The following PCDHGA5 variants were observed in gnomAD, a reference collection of about 807,000 sequenced individuals.
PCDHGA5 encodes the protein protocadherin gamma subfamily A, 5.
Under a neutral mutation model 56.7 loss-of-function variants are expected in PCDHGA5, and 36 were observed. That is an observed-to-expected ratio of 0.64 (90% CI 0.49 to 0.84). PCDHGA5 has a LOEUF of 0.84. Among genes scored for constraint, PCDHGA5 ranks in the 40% least tolerant of loss-of-function variants. The pLI, the probability that PCDHGA5 is intolerant of heterozygous loss-of-function variation, is 0.00. For synonymous variants in PCDHGA5, 563 were observed against 520.2 expected (o/e 1.08, Z -1.12); for missense variants, 1,305 against 1,201.5 (o/e 1.09, Z -1.27).
Position 141,477,198 on chromosome 5 carries a change from TACCCGAGGATG to T in PCDHGA5, c.2422-17608_2422-17598del. 6.2e-7 allele frequency: 1 copy of T among 1,614,194 alleles called. No homozygotes were observed. The highest frequency in any genetic ancestry group is 2.2e-5 in the East Asian group (1 of 44,874). On this transcript the variant is annotated intron_variant, in intron 1 of 3. Transcript: ENST00000518069. The surrounding 1 kb of genome is among the most constrained non-coding windows in gnomAD (Gnocchi z 4.9). ...ACAGTCACCTCCGTGTACAGCCCAG[TACCCGAGGATG>T]CCCCTCTGGGGACTGTCATCGCTTT...
chr5:141,382,978 T>C, intron 1 of PCDHGA5: 1 of 1,610,702 alleles, frequency 6.2e-7, no homozygotes, highest in Non-Finnish European at 8.5e-7. Context: ...CTGGGAAGCC[T>C]GGGCAGGACG....
chr5:141,431,150 CCTTA>C lies in PCDHGA5; in HGVS notation c.2422-63653_2422-63650del, dbSNP rs1302288904. ...AGTAAGGGACATTAACGACAATGCG[CCTTA>C]CTTTCGTGAAAGTGAATTAGAAATA... On this transcript the variant is annotated intron_variant, in intron 1 of 3. Coordinates refer to ENST00000518069, the MANE Select transcript of PCDHGA5 (RefSeq NM_018918.3). The surrounding 1 kb of genome is among the most constrained non-coding windows in gnomAD (Gnocchi z 4.8). 3 of 1,614,226 alleles carry C rather than the reference CCTTA, an allele frequency of 1.9e-6. No individual in the cohort carries two copies. The highest frequency in any genetic ancestry group is 2.2e-5 in the East Asian group (1 of 44,876).
chr5:141,410,671 C>G (rs771368781), intron 1 of PCDHGA5: 1 of 1,563,260 alleles, frequency 6.4e-7, no homozygotes, highest in South Asian at 1.2e-5. Context: ...ACTAGTTTCT[C>G]ATATTTTAGG....
intron 1 of PCDHGA5, among the ~76,000 whole-genome samples, chr5:141,460,983 GTATATA>G (rs59296681): frequency 0.23 from 32,081 of 137,558 alleles, 4,351 homozygotes; most frequent in African/African-American, 0.39. Context: ...GTGTGTGTGT[GTATATA>G]TATATATGTG....
rs772195653 is a variant in PCDHGA5 at position 141,477,704 on chromosome 5, C to A, written c.2422-17103C>A. On this transcript the variant is annotated intron_variant, in intron 1 of 3. Transcript: ENST00000518069. The surrounding 1 kb of genome is among the most constrained non-coding windows in gnomAD (Gnocchi z 4.9). ...CTTAGTGCCCCTAGACTATGAGGAT[C>A]GGCGGGAATTTGAATTAACAGCTCA... The A allele has an allele frequency of 5.0e-6, 8 of 1,613,850 alleles. No individual in the cohort carries two copies. Among genetic ancestry groups the A allele is most frequent in the Non-Finnish European group, 5.9e-6 (7 of 1,180,046 alleles).
At chr5:141,448,921 G>A (rs1323304761) in intron 1 of PCDHGA5, among the ~76,000 whole-genome samples, 3 of 152,120 alleles carry the variant, frequency 2.0e-5, no homozygotes, top group Admixed American at 1.3e-4. Flanking sequence ...CTCCAGCCTG[G>A]GCGACAGAGC....
intron 1 of PCDHGA5, chr5:141,411,291 C>G (rs2095478163): frequency 6.6e-6 from 1 of 152,158 alleles, no homozygotes; most frequent in South Asian, 2.1e-4. Context: ...ATTCAGAAGA[C>G]AGGCCCAGTG....
Position 141,476,263 on chromosome 5 carries a change from C to G in PCDHGA5, c.2422-18544C>G. 13 of 1,613,940 alleles carry G rather than the reference C, an allele frequency of 8.1e-6. No individual in the cohort carries two copies. Among genetic ancestry groups the G allele is most frequent in the Non-Finnish European group, 1.1e-5 (13 of 1,180,010 alleles). On this transcript the variant is annotated intron_variant, in intron 1 of 3. Transcript: ENST00000518069. This position sits in a 1 kb window ranked among gnomAD's most constrained non-coding sequence, Gnocchi z 7.6. ...GAGAGAAGGGTTTCGCTGTGGGCAA[C>G]GTGGTCGCGAACCTTGGTTTGGATC...
intron 1 of PCDHGA5, among the ~76,000 whole-genome samples, chr5:141,467,055 C>CTTT (rs1193465269): frequency 2.2e-5 from 3 of 134,494 alleles, no homozygotes; most frequent in Admixed American, 7.5e-5. Context: ...TCAATGTTTT[C>CTTT]TTTTTTTTTT....
chr5:141,496,766 CT>C (rs1361332988), intron 2 of PCDHGA5, among the ~76,000 whole-genome samples: 1 of 152,068 alleles, frequency 6.6e-6, no homozygotes, highest in Non-Finnish European at 1.5e-5. Context: ...TATCGAGCAT[CT>C]ACTATGAGCA....
At chr5:141,369,706 T>G (rs973435309) in intron 1 of PCDHGA5, among the ~76,000 whole-genome samples, 2 of 152,204 alleles carry the variant, frequency 1.3e-5, no homozygotes, top group Admixed American at 1.3e-4. Context: ...AGCTATGACA[T>G]TATAACTTTT....
At position 141,450,006 on chromosome 5, in the gene PCDHGA5, C is replaced by CTTTTT. The variant is rs1554136305; in HGVS notation, c.2422-44787_2422-44783dup. ...CACATTGCATTTAGTTGCCATGTCTCTTTTTTTTTTTTTTTTTTGAGACAG... is the reference window on the plus strand; with the variant it reads ...CACATTGCATTTAGTTGCCATGTCTCTTTTTTTTTTTTTTTTTTTTTTTGAGACAG... On this transcript the variant is annotated intron_variant, in intron 1 of 3. Transcript: ENST00000518069. Among the ~76,000 whole-genome samples the CTTTTT allele has an allele frequency of 3.4e-4, 45 of 132,908 alleles. 3 individuals carry two copies. Among genetic ancestry groups the CTTTTT allele is most frequent in the South Asian group, 7.1e-4 (3 of 4,236 alleles). 87.2% of individuals were successfully genotyped at this position (132,908 alleles called of 152,430 possible).
chr5:141,437,617 C>T (rs570138576), intron 1 of PCDHGA5, among the ~76,000 whole-genome samples: 1 of 152,102 alleles, frequency 6.6e-6, no homozygotes, highest in Admixed American at 6.6e-5. Flanking sequence ...CTGCTTTATC[C>T]CCATATAAGA....
At chr5:141,408,115 C>T (rs2095044760) in intron 1 of PCDHGA5, 1 of 1,461,312 alleles carries the variant, frequency 6.8e-7, no homozygotes, top group Non-Finnish European at 9.1e-7. Context: ...GGGACTCCTC[C>T]TGTCCTGGGC....
intron 1 of PCDHGA5, among the ~76,000 whole-genome samples, chr5:141,458,236 C>T (rs6874378): frequency 0.18 from 27,546 of 152,106 alleles, 2,658 homozygotes; most frequent in Admixed American, 0.28. Flanking sequence ...AGTCCATGCA[C>T]CAAAATGATA....
At position 141,487,116 on chromosome 5, in the gene PCDHGA5, A is replaced by G. The variant is rs749256818; in HGVS notation, c.2422-7691A>G. On this transcript the variant is annotated intron_variant, in intron 1 of 3. Transcript: ENST00000518069. This position sits in a 1 kb window ranked among gnomAD's most constrained non-coding sequence, Gnocchi z 5.0. ...CCACAGAAGCTGGTCATTGTGGTAA[A>G]GGATAGTGGTAGTCCACCACTCTCT... The G allele has an allele frequency of 3.1e-6, 5 of 1,614,022 alleles. No individual in the cohort carries two copies.
At chr5:141,498,830 G>T (rs2099786149) in intron 2 of PCDHGA5, among the ~76,000 whole-genome samples, 1 of 152,080 alleles carries the variant, frequency 6.6e-6, no homozygotes, top group Non-Finnish European at 1.5e-5. Context: ...CTACTCAGGA[G>T]GCTGAGGCAG....
chr5:141,431,879 C>T lies in PCDHGA5; in HGVS notation c.2422-62928C>T. 1 of 1,614,162 alleles carries T rather than the reference C, an allele frequency of 6.2e-7. No individual in the cohort carries two copies. The highest frequency in any genetic ancestry group is 8.5e-7 in the Non-Finnish European group (1 of 1,179,970). ...AATTGCCCTTTTAAATGTAAATGAC[C>T]AAGATTCTGAGGAAAACGGACAGGT... On this transcript the variant is annotated intron_variant, in intron 1 of 3. Coordinates refer to ENST00000518069, the MANE Select transcript of PCDHGA5 (RefSeq NM_018918.3). The surrounding 1 kb of genome is among the most constrained non-coding windows in gnomAD (Gnocchi z 4.8).
At position 141,432,463 on chromosome 5, in the gene PCDHGA5, C is replaced by T; in HGVS notation, c.2422-62344C>T. ...CCGAGATCCTGTACCCCGCCCTCCC[C>T]ACGGACGGTTCCACTGGCGTGGAGC... On this transcript the variant is annotated intron_variant, in intron 1 of 3. Transcript: ENST00000518069. The surrounding 1 kb of genome is among the most constrained non-coding windows in gnomAD (Gnocchi z 6.0). 6.2e-7 allele frequency: 1 copy of T among 1,614,238 alleles called. No individual in the cohort carries two copies. The highest frequency in any genetic ancestry group is 1.1e-5 in the South Asian group (1 of 91,084).
Sources: gnomAD v4.1 joint callset for allele counts (sites outside exome capture counted in the v4.1 genomes callset) on GRCh38, gnomAD v4.1.1 for gene constraint, Gnocchi (gnomAD v3.1) non-coding constraint, MANE v1.5 for transcripts, NCBI Gene and HGNC (gene_info 2026-07-23, HGNC 2026-07-21) for gene names.